The following ZNF565 variants were observed in gnomAD, a reference collection of about 807,000 sequenced individuals.
ZNF565 encodes the protein zinc finger protein 565.
Under a neutral mutation model 39.4 loss-of-function variants are expected in ZNF565, and 27 were observed. The observed-to-expected ratio is 0.69, with a 90% confidence interval of 0.51 to 0.95. ZNF565 has a LOEUF of 0.95. ZNF565 is among the 40% of genes least tolerant of loss of function. The probability of loss-of-function intolerance (pLI) is 0.00; values close to 1 mark genes in which losing one functional copy is unlikely to be tolerated. For missense variants in ZNF565, 524 were observed against 621.1 expected (o/e 0.84, Z 1.66); for synonymous variants, 185 against 216.6 (o/e 0.85, Z 1.28).
intron 1 of ZNF565, among the ~76,000 whole-genome samples, chr19:36,230,366 C>T (rs1599983139): frequency 6.6e-6 from 1 of 152,140 alleles, no homozygotes; most frequent in African/African-American, 2.4e-5. Context: ...CTCCTAGGGA[C>T]GGTGTTATAA....
chr19:36,218,758 T>G (rs1976716600), upstream of ZNF565, among the ~76,000 whole-genome samples: 1 of 151,928 alleles, frequency 6.6e-6, no homozygotes. Flanking sequence ...CGTGAGCCAC[T>G]GCGCCCGGCC....
intron 1 of ZNF565, among the ~76,000 whole-genome samples, chr19:36,226,789 A>T (rs912175871): frequency 6.6e-6 from 1 of 152,210 alleles, no homozygotes; most frequent in Non-Finnish European, 1.5e-5. Flanking sequence ...GCTATTGATT[A>T]AAAAAATTCT....
intron 1 of ZNF565, among the ~76,000 whole-genome samples, chr19:36,229,306 T>A (rs993284923): frequency 1.3e-5 from 2 of 152,234 alleles, no homozygotes; most frequent in Non-Finnish European, 2.9e-5. Flanking sequence ...CTCCTCTGCC[T>A]ACCTTTCTTC....
intron 1 of ZNF565, among the ~76,000 whole-genome samples, chr19:36,225,754 T>TA (rs1458617610): frequency 1.4e-5 from 1 of 72,716 alleles, no homozygotes; most frequent in East Asian, 3.1e-4. Context: ...TTGTGATTCT[T>TA]TTTTTTTTTT....
chr19:36,245,459 C>G lies in ZNF565; in HGVS notation c.55+17G>C. The G allele has an allele frequency of 1.4e-6, 1 of 702,298 alleles. No homozygotes were observed. Among genetic ancestry groups the G allele is most frequent in the East Asian group, 2.7e-5 (1 of 37,276 alleles). 43.5% of individuals were successfully genotyped at this position (702,298 alleles called of 1,614,324 possible). Reference sequence around the variant, plus strand: ...GGATCACATTTCCCGTGGTCCACCGCGCATCTAGGAGGTTACCTGCGTCCA... The same window carrying G: ...GGATCACATTTCCCGTGGTCCACCGGGCATCTAGGAGGTTACCTGCGTCCA... On this transcript the variant is annotated intron_variant, in intron 1 of 4. Transcript: ENST00000355114. The surrounding 1 kb of genome is among the most constrained non-coding windows in gnomAD (Gnocchi z 4.4).
intron 1 of ZNF565, among the ~76,000 whole-genome samples, chr19:36,227,728 A>G (rs1367879490): frequency 1.3e-5 from 2 of 151,990 alleles, no homozygotes; most frequent in Admixed American, 6.6e-5. Flanking sequence ...CTAATTTTGT[A>G]TTTTTATAAG....
intron 1 of ZNF565, among the ~76,000 whole-genome samples, chr19:36,242,846 G>T (rs1211217593): frequency 6.6e-6 from 1 of 152,212 alleles, no homozygotes; most frequent in African/African-American, 2.4e-5. Flanking sequence ...TGTAAGTCCA[G>T]TATCTGTTTC....
chr19:36,205,909 G>A (rs1010651959), intron 1 of ZNF565, among the ~76,000 whole-genome samples: 6 of 151,826 alleles, frequency 4.0e-5, no homozygotes, highest in African/African-American at 1.2e-4. Context: ...TTCTAGGAAC[G>A]AGGAAAGAAA....
At chr19:36,218,849 C>T (rs1236833570), upstream of ZNF565, among the ~76,000 whole-genome samples, 2 of 151,406 alleles carry the variant, frequency 1.3e-5, no homozygotes, top group Non-Finnish European at 2.9e-5. Flanking sequence ...CGGTTTGTCG[C>T]CCAGGCTGGA....
chr19:36,194,621 T>C, intron 3 of ZNF565: 1 of 465,924 alleles, frequency 2.1e-6, no homozygotes, highest in South Asian at 2.5e-5. Flanking sequence ...TGTGTGGTGA[T>C]CACTCTCCAT....
intron 2 of ZNF565, among the ~76,000 whole-genome samples, chr19:36,196,969 T>C (rs1975782611): frequency 6.6e-6 from 1 of 151,832 alleles, no homozygotes; most frequent in Non-Finnish European, 1.5e-5. Context: ...GGCAGGAGAA[T>C]TGCTTGAACC....
chr19:36,192,472 G>A (rs986788133), intron 4 of ZNF565, among the ~76,000 whole-genome samples: 1 of 152,028 alleles, frequency 6.6e-6, no homozygotes, highest in African/African-American at 2.4e-5. Flanking sequence ...TGGGTGCAGT[G>A]GCTCATGCCT....
chr19:36,194,294 T>C lies in ZNF565; in HGVS notation c.171A>G (p.Leu57=). ...TCCAGGGCTCTTTCCCTTGCTCCAATAAGGAGACGACATCAGGCTTAGAAA... is the reference window on the plus strand; with the variant it reads ...TCCAGGGCTCTTTCCCTTGCTCCAACAAGGAGACGACATCAGGCTTAGAAA... ...LSISKPDVVS[L]LEQGKEPWMI... The change falls in exon 4 of 5, where the codon TTA becomes TTG. Residue 57 remains leucine (L), a synonymous_variant. Transcript: ENST00000304116. 6.2e-7 allele frequency: 1 copy of C among 1,612,774 alleles called. No homozygotes were observed. The highest frequency in any genetic ancestry group is 1.1e-5 in the South Asian group (1 of 90,760).
intron 2 of ZNF565, among the ~76,000 whole-genome samples, chr19:36,195,883 G>T (rs1975741656): frequency 6.7e-6 from 1 of 149,740 alleles, no homozygotes; most frequent in African/African-American, 2.5e-5. Context: ...TGATGAGTAG[G>T]GTCAGGTTTT....
upstream of ZNF565, among the ~76,000 whole-genome samples, chr19:36,219,156 T>G (rs1182852153): frequency 2.0e-5 from 3 of 152,090 alleles, no homozygotes; most frequent in African/African-American, 7.3e-5. Flanking sequence ...AATCAGGAAG[T>G]TAGGTTTGTT....
At chr19:36,233,911 T>TTA (rs984023735) in intron 1 of ZNF565, among the ~76,000 whole-genome samples, 2 of 147,172 alleles carry the variant, frequency 1.4e-5, no homozygotes, top group Non-Finnish European at 2.9e-5. Flanking sequence ...CACAGACCCT[T>TTA]TACGGGTGTC....
chr19:36,220,345 C>A (rs753274653), intron 1 of ZNF565, among the ~76,000 whole-genome samples: 2 of 116,208 alleles, frequency 1.7e-5, no homozygotes, highest in Non-Finnish European at 4.2e-5. Context: ...TTTCTTAGCT[C>A]CTAGTTCTTT....
chr19:36,196,177 G>A (rs925744484), intron 2 of ZNF565, among the ~76,000 whole-genome samples: 3 of 152,044 alleles, frequency 2.0e-5, no homozygotes, highest in South Asian at 2.1e-4. Context: ...TGATACGCCC[G>A]CCTTGGCCTC....
chr19:36,237,460 A>G (rs761066998), intron 1 of ZNF565: 28 of 1,036,906 alleles, frequency 2.7e-5, no homozygotes, highest in Non-Finnish European at 3.7e-5. Context: ...GGGACACCAG[A>G]AAATTTGTAC....
Sources: gnomAD v4.1 joint callset for allele counts (sites outside exome capture counted in the v4.1 genomes callset) on GRCh38, gnomAD v4.1.1 for gene constraint, Gnocchi (gnomAD v3.1) non-coding constraint, MANE v1.5 for transcripts, NCBI Gene and HGNC (gene_info 2026-07-23, HGNC 2026-07-21) for gene names.